Variants in ZNF569 observed in about 807,000 individuals in gnomAD.
ZNF569 encodes the protein DNA-binding protein.
A neutral mutation model predicts 56.3 loss-of-function variants in ZNF569; 38 were observed. The ratio of observed to expected loss-of-function variants is 0.68; its 90% CI spans 0.52 to 0.88. ZNF569 has a LOEUF of 0.88. Ranked by LOEUF, ZNF569 falls within the 40% of genes least tolerant of loss-of-function variation. The pLI is 0.00. For synonymous variants in ZNF569, 241 were observed against 262.9 expected, an observed-to-expected ratio of 0.92 and a Z score of 0.81; for missense variants, 666 against 809.2, an observed-to-expected ratio of 0.82 and a Z score of 2.15.
chr19:37,415,487 C>T (rs556288927), intron 5 of ZNF569, among the ~76,000 whole-genome samples: 21 of 152,068 alleles, frequency 1.4e-4, no homozygotes, highest in Non-Finnish European at 2.5e-4. Flanking sequence ...GAAGCATTCA[C>T]ATTAAAGTCA....
At chr19:37,458,831 TAAGA>T (rs1430525128) in intron 2 of ZNF569, among the ~76,000 whole-genome samples, 1 of 152,168 alleles carries the variant, frequency 6.6e-6, no homozygotes. Flanking sequence ...ATGCGAACTA[TAAGA>T]AAGAATCAAA....
rs149286981 is a variant in ZNF569, at chr19:37,413,044, G to T, written c.1614C>A (p.Thr538=). The T allele has an allele frequency of 8.6e-5, 138 of 1,613,172 alleles. No homozygotes were observed. The highest frequency in any genetic ancestry group is 9.9e-5 in the Non-Finnish European group (117 of 1,179,664). ...GKAFSQIASL[T]LHLRSHTGEK... The stretch of plus-strand genomic sequence containing the variant: ...CCCCTGTATGACTTCTCAAATGAAG[G>T]GTAAGGGATGCAATTTGAGAGAAGG... The change falls in exon 6 of 6, where the codon ACC becomes ACA. Residue 538 remains threonine, a synonymous_variant. Coordinates refer to ENST00000316950, the MANE Select transcript of ZNF569 (RefSeq NM_152484.3).
intron 2 of ZNF569, among the ~76,000 whole-genome samples, chr19:37,463,824 A>G (rs1451686949): frequency 1.3e-5 from 2 of 152,188 alleles, no homozygotes; most frequent in Non-Finnish European, 2.9e-5. Context: ...GCCTAGGCTA[A>G]TATGTTTGTG....
chr19:37,443,291 A>C (rs909262667), intron 3 of ZNF569, among the ~76,000 whole-genome samples: 10 of 152,202 alleles, frequency 6.6e-5, no homozygotes, highest in Admixed American at 2.6e-4. Context: ...GGTTGCAGTG[A>C]GCCAAGATCG....
intron 2 of ZNF569, chr19:37,454,760 G>A: frequency 1.5e-6 from 1 of 688,898 alleles, no homozygotes; most frequent in Non-Finnish European, 2.6e-6. Context: ...GTCCCCCAGT[G>A]GTTTCACACT....
chr19:37,455,013 G>A, intron 2 of ZNF569: 1 of 566,332 alleles, frequency 1.8e-6, no homozygotes, highest in Non-Finnish European at 3.1e-6. Context: ...TTGTACGGTA[G>A]AAGTTTGTAG....
intron 5 of ZNF569, among the ~76,000 whole-genome samples, chr19:37,415,446 C>T (rs2040912192): frequency 6.6e-6 from 1 of 152,038 alleles, no homozygotes; most frequent in Non-Finnish European, 1.5e-5. Flanking sequence ...ACAGCCCAAA[C>T]ACCAGCACTT....
At chr19:37,445,225 G>C (rs1292041783) in intron 2 of ZNF569, among the ~76,000 whole-genome samples, 3 of 152,118 alleles carry the variant, frequency 2.0e-5, no homozygotes. Flanking sequence ...CATCATGAAA[G>C]CATATATGCA....
At chr19:37,420,649 T>C (rs758357418) in intron 5 of ZNF569, among the ~76,000 whole-genome samples, 2 of 152,160 alleles carry the variant, frequency 1.3e-5, no homozygotes, top group Non-Finnish European at 2.9e-5. Context: ...ACATCTACAA[T>C]TACTTCCTCC....
chr19:37,431,088 G>A (rs2041218438), intron 3 of ZNF569, among the ~76,000 whole-genome samples: 1 of 152,144 alleles, frequency 6.6e-6, no homozygotes, highest in African/African-American at 2.4e-5. Flanking sequence ...AGGGCTCTAG[G>A]ATCCTAAGTG....
rs746115419 is a variant in ZNF569, at chr19:37,413,040, G to T, written c.1618C>A (p.His540Asn). The T allele has an allele frequency of 1.2e-6, 2 of 1,613,982 alleles. No homozygotes were observed. The highest frequency in any genetic ancestry group is 1.7e-5 in the Admixed American group (1 of 60,010). The change falls in exon 6 of 6, where the codon CAT becomes AAT. Residue 540 changes from histidine to asparagine, a missense_variant. Transcript: ENST00000316950. ...AFSQIASLTL[H>N]LRSHTGEKPY... ...TTTTCCCCTGTATGACTTCTCAAAT[G>T]AAGGGTAAGGGATGCAATTTGAGAG...
chr19:37,469,194 G>A (rs932644167), upstream of ZNF569: 6 of 1,260,190 alleles, frequency 4.8e-6, no homozygotes, highest in South Asian at 1.1e-4. Context: ...AGGACCTGGT[G>A]GGGAGGAGGC....
In ZNF569 at chr19:37,412,831, A is replaced by T. The variant is rs905928289; in HGVS notation, c.1827T>A (p.Asn609Lys). 2.5e-6 allele frequency: 4 copies of T among 1,614,028 alleles called. 1 individual carries two copies. Among genetic ancestry groups the T allele is most frequent in the African/African-American group, 2.7e-5 (2 of 75,044 alleles). ...TTTGGGAGAAGGCTTTTCCACATTT[A>T]TTACATTCATAGGGTTTTTCACCTG... ...GHTGEKPYECNKCGKAFSQSS... is the reference protein window; with the variant it reads ...GHTGEKPYECKKCGKAFSQSS... The change falls in exon 6 of 6, where the codon AAT (asparagine) becomes AAA (lysine). Residue 609 changes from asparagine to lysine, a missense_variant. By Grantham distance (94) the Asn-to-Lys change is moderately conservative. Transcript: ENST00000316950.
chr19:37,453,019 CCT>C (rs1477895993), intron 2 of ZNF569, among the ~76,000 whole-genome samples: 1 of 152,064 alleles, frequency 6.6e-6, no homozygotes, highest in Non-Finnish European at 1.5e-5. Context: ...TTATCACTCC[CCT>C]GACTGAATTA....
At chr19:37,468,309 G>C (rs11668662), upstream of ZNF569, among the ~76,000 whole-genome samples, 2 of 152,080 alleles carry the variant, frequency 1.3e-5, no homozygotes, top group African/African-American at 4.8e-5. Context: ...GGCTGCTCTC[G>C]AACTCCTGAG....
rs147081396 is a variant in ZNF569, at chr19:37,460,420, C to G, written c.-44+4893G>C. On this transcript the variant is annotated intron_variant, in intron 2 of 5. Coordinates refer to ENST00000316950, the MANE Select transcript of ZNF569 (RefSeq NM_152484.3). Reference sequence around the variant, plus strand: ...GGCCTCCCAAAGTGCTGGGATTACACGCATGAGCCACCACGCCTGGCCAAT... The same window carrying G: ...GGCCTCCCAAAGTGCTGGGATTACAGGCATGAGCCACCACGCCTGGCCAAT... 7.3e-3 allele frequency among the ~76,000 whole-genome samples: 1,104 copies of G among 152,008 alleles called. 15 individuals carry two copies. The highest frequency in any genetic ancestry group is 0.025 in the African/African-American group (1,028 of 41,474).
intron 5 of ZNF569, among the ~76,000 whole-genome samples, chr19:37,419,744 A>G (rs748038501): frequency 3.9e-5 from 6 of 152,022 alleles, no homozygotes; most frequent in Non-Finnish European, 8.8e-5. Context: ...ATTTAATACT[A>G]TATACTTAGT....
At chr19:37,460,678 A>G (rs2041743690) in intron 2 of ZNF569, among the ~76,000 whole-genome samples, 1 of 152,086 alleles carries the variant, frequency 6.6e-6, no homozygotes, top group South Asian at 2.1e-4. Flanking sequence ...TTGCTTGAAC[A>G]TAGGAGTTCA....
At chr19:37,446,974 T>C (rs10422667) in intron 2 of ZNF569, among the ~76,000 whole-genome samples, 31,377 of 152,068 alleles carry the variant, frequency 0.21, 3,451 homozygotes, top group South Asian at 0.32. Context: ...AAAGAAGATA[T>C]ACAAATGGCC....
Sources: gnomAD v4.1 joint callset for allele counts (sites outside exome capture counted in the v4.1 genomes callset) on GRCh38, gnomAD v4.1.1 for gene constraint, MANE v1.5 for transcripts, NCBI Gene and HGNC (gene_info 2026-07-23, HGNC 2026-07-21) for gene names.